GSAP: variants seen among roughly 807,000 people sequenced by gnomAD.
The protein encoded by GSAP is gamma-secretase activating protein, also known as gamma-secretase-activating protein.
Under a neutral mutation model 131.7 loss-of-function variants are expected in GSAP, and 118 were observed. The observed-to-expected ratio is 0.90, with a 90% confidence interval of 0.77 to 1.04. The LOEUF (loss-of-function observed/expected upper bound fraction) is 1.04. Ranked by LOEUF, GSAP falls within the 50% of genes least tolerant of loss-of-function variation. The pLI is 0.00. For missense variants in GSAP, 1,019 were observed against 1,013.2 expected, an observed-to-expected ratio of 1.01 and a Z score of -0.08; for synonymous variants, 381 against 363.4, an observed-to-expected ratio of 1.05 and a Z score of -0.55.
At chr7:77,390,779 C>G (rs1175388325) in intron 5 of GSAP, among the ~76,000 whole-genome samples, 1 of 150,412 alleles carries the variant, frequency 6.6e-6, no homozygotes, top group Non-Finnish European at 1.5e-5. Context: ...TAAAAAAATA[C>G]AAATCAATTA....
intron 1 of GSAP, among the ~76,000 whole-genome samples, chr7:77,411,454 T>C (rs1467521103): frequency 1.3e-5 from 2 of 152,270 alleles, no homozygotes; most frequent in African/African-American, 4.8e-5. Context: ...ATATAAGATC[T>C]ATCTATTATA....
Position 77,320,811 on chromosome 7 carries a change from C to T in GSAP, c.2003G>A (p.Arg668His), listed in dbSNP as rs553054006. 6.2e-5 allele frequency: 99 copies of T among 1,601,860 alleles called. No individual in the cohort carries two copies. Among genetic ancestry groups the T allele is most frequent in the Non-Finnish European group, 7.4e-5 (87 of 1,169,106 alleles). The change falls in exon 26 of 31, where the codon CGT becomes CAT. Residue 668 changes from arginine (R) to histidine (H), a missense_variant. Coordinates refer to ENST00000257626, the MANE Select transcript of GSAP (RefSeq NM_017439.4). The stretch of plus-strand genomic sequence containing the variant: ...AACTGCAAATTCAGCAGCACTGCCA[C>T]GACTATTGCTGGGTAAAAAAAACAA... ...LHSWVLHFNS[R>H]GSAAEFAVFH...
At chr7:77,398,749 CAG>C (rs1232310951) in intron 3 of GSAP, among the ~76,000 whole-genome samples, 1 of 151,494 alleles carries the variant, frequency 6.6e-6, no homozygotes, top group Non-Finnish European at 1.5e-5. Flanking sequence ...GCCCAAGTGA[CAG>C]AGTGATACCC....
intron 3 of GSAP, among the ~76,000 whole-genome samples, chr7:77,398,913 TG>T: frequency 6.6e-6 from 1 of 152,346 alleles, no homozygotes; most frequent in Middle Eastern, 3.4e-3. Context: ...AAAACATAAA[TG>T]GAATGTATTA....
chr7:77,413,327 C>T lies in GSAP; in HGVS notation c.109+2886G>A, dbSNP rs371586718. 1.6e-4 allele frequency among the ~76,000 whole-genome samples: 24 copies of T among 152,304 alleles called. No homozygotes were observed. In the East Asian group the frequency reaches 3.9e-3, roughly 24 times the overall value. On this transcript the variant is annotated intron_variant, in intron 1 of 30. Coordinates refer to ENST00000257626, the MANE Select transcript of GSAP (RefSeq NM_017439.4). ...GGCCTTTAAAGCCCACTCAGTTTCA[C>T]GTGGTCCATACCCAAAAGGAAGTGA...
chr7:77,354,685 T>G (rs1372002554), intron 16 of GSAP, among the ~76,000 whole-genome samples: 3 of 152,112 alleles, frequency 2.0e-5, no homozygotes, highest in East Asian at 3.9e-4. Context: ...GTCTTTTTTT[T>G]TTTTTTTGTA....
At chr7:77,331,110 G>A (rs190374014) in intron 19 of GSAP, among the ~76,000 whole-genome samples, 148 of 152,120 alleles carry the variant, frequency 9.7e-4, no homozygotes, top group African/African-American at 3.4e-3. Context: ...TCAGGAGATC[G>A]AGACCACGGT....
At chr7:77,368,481 C>T (rs1795635628) in intron 12 of GSAP, among the ~76,000 whole-genome samples, 2 of 152,172 alleles carry the variant, frequency 1.3e-5, no homozygotes, top group South Asian at 2.1e-4. Context: ...CCTGACAGCA[C>T]ATTAAACTTA....
chr7:77,377,139 CCCAGGAGTTCAAGG>C, intron 9 of GSAP, 133 bp downstream of exon 9: 1 of 964,392 alleles, frequency 1.0e-6, no homozygotes, highest in South Asian at 2.2e-5. Context: ...ATCACTTGAG[CCCAGGAGTTCAAGG>C]CTGCAGTGAG....
At chr7:77,408,128 G>A (rs1039288246) in intron 1 of GSAP, among the ~76,000 whole-genome samples, 2 of 152,148 alleles carry the variant, frequency 1.3e-5, no homozygotes, top group African/African-American at 2.4e-5. Flanking sequence ...CCTGTTCTGA[G>A]TCTTAGTTGC....
In GSAP at chr7:77,330,346, A is replaced by C; in HGVS notation, c.1567T>G (p.Trp523Gly). Residue 523 changes from tryptophan to glycine, a missense_variant, in exon 20 of 31, where the codon TGG becomes GGG. Transcript: ENST00000257626. ...LMKVLSFKGY[W>G]EKLNSNLEYV... ...TCTAGGTTGGAGTTCAGTTTTTCCC[A>C]GTAGCCCTTAAAGCTGAGCACCTGT... The C allele has an allele frequency of 6.2e-7, 1 of 1,613,752 alleles. No homozygotes were observed. The highest frequency in any genetic ancestry group is 8.5e-7 in the Non-Finnish European group (1 of 1,179,806).
chr7:77,374,010 T>C, intron 12 of GSAP, 60 bp downstream of exon 12: 2 of 917,182 alleles, frequency 2.2e-6, no homozygotes, highest in Non-Finnish European at 3.6e-6. Context: ...AAACAATGAG[T>C]AAATTTTGTC....
At chr7:77,413,335 A>G (rs1583981298) in intron 1 of GSAP, among the ~76,000 whole-genome samples, 1 of 152,226 alleles carries the variant, frequency 6.6e-6, no homozygotes, top group East Asian at 1.9e-4. Context: ...CACGTGGTCC[A>G]TACCCAAAAG....
At chr7:77,385,889 C>A (rs984706858) in intron 6 of GSAP, among the ~76,000 whole-genome samples, 1 of 152,088 alleles carries the variant, frequency 6.6e-6, no homozygotes, top group South Asian at 2.1e-4. Context: ...TCTGGCTAGA[C>A]CAAAAGAAAT....
chr7:77,329,677 A>C (rs567295376), intron 20 of GSAP: 172 of 219,266 alleles, frequency 7.8e-4, no homozygotes, highest in Non-Finnish European at 1.2e-3. Context: ...CAGTCTCCTC[A>C]GTGCTTATAT....
rs756275289 is a variant in GSAP at position 77,355,570 on chromosome 7, T to C, written c.1105A>G (p.Asn369Asp). The change falls in exon 15 of 31, where the codon AAT (asparagine) becomes GAT (aspartate). Residue 369 changes from asparagine to aspartate, a missense_variant. Asn to Asp is a conservative substitution (Grantham distance 23). Coordinates refer to ENST00000257626, the MANE Select transcript of GSAP (RefSeq NM_017439.4). Reference protein sequence around the residue: ...NVQHPDLICHNLFLTGNNEMI... With the variant: ...NVQHPDLICHDLFLTGNNEMI... ...ATAGCCGTACCTGTCAGAAAGAGAT[T>C]GTGGCAGATCAGGTCTGGATGTTGA... is the stretch of plus-strand genomic sequence containing the variant. The C allele has an allele frequency of 2.5e-6, 4 of 1,609,536 alleles. No homozygotes were observed. In the South Asian group the frequency reaches 3.3e-5, roughly 13 times the overall value.
intron 8 of GSAP, 25 bp downstream of exon 8, chr7:77,381,280 A>T: frequency 7.0e-7 from 1 of 1,434,532 alleles, no homozygotes; most frequent in Non-Finnish European, 9.6e-7. Context: ...AAACCTATGA[A>T]GCGAAAAGAA....
intron 2 of GSAP, among the ~76,000 whole-genome samples, chr7:77,405,339 T>C (rs1802078096): frequency 6.6e-6 from 1 of 152,222 alleles, no homozygotes; most frequent in African/African-American, 2.4e-5. Context: ...AGTCCTAACA[T>C]ATCTACGTCT....
chr7:77,407,717 A>G (rs569629862), intron 1 of GSAP, among the ~76,000 whole-genome samples: 2 of 152,236 alleles, frequency 1.3e-5, no homozygotes, highest in African/African-American at 4.8e-5. Flanking sequence ...AAAACTGGCA[A>G]TATCTAGTGA....
Sources: allele counts gnomAD v4.1 joint callset (sites outside exome capture counted in the v4.1 genomes callset), GRCh38; gene constraint gnomAD v4.1.1; transcripts MANE v1.5; gene names NCBI Gene and HGNC (gene_info 2026-07-23, HGNC 2026-07-21).